Variants in SMYD3 observed in about 807,000 individuals in gnomAD.
SMYD3 encodes the protein histone-lysine N-methyltransferase SMYD3.
A neutral mutation model predicts 57.7 loss-of-function variants in SMYD3; 36 were observed. The ratio of observed to expected loss-of-function variants is 0.62; its 90% confidence interval spans 0.48 to 0.82. The LOEUF (loss-of-function observed/expected upper bound fraction) is 0.82. Among genes scored for constraint, SMYD3 ranks in the 40% least tolerant of loss-of-function variants. SMYD3 has a pLI of 0.00. For missense variants in SMYD3, 515 were observed against 538.8 expected, an observed-to-expected ratio of 0.96 and a Z score of 0.44; for synonymous variants, 211 against 195.0, an observed-to-expected ratio of 1.08 and a Z score of -0.68.
intron 10 of SMYD3, among the ~76,000 whole-genome samples, chr1:245,765,048 A>ACG: frequency 9.9e-6 from 1 of 101,280 alleles, no homozygotes; most frequent in East Asian, 2.0e-4. Context: ...AAATGCCTAC[A>ACG]CACACACACA....
intron 10 of SMYD3, among the ~76,000 whole-genome samples, chr1:245,793,312 C>A (rs1225682789): frequency 6.6e-6 from 1 of 150,594 alleles, no homozygotes; most frequent in Non-Finnish European, 1.5e-5. Context: ...AAAAAAAAAA[C>A]AACAAAAAAA....
chr1:245,862,210 C>T (rs1403283008), intron 9 of SMYD3, among the ~76,000 whole-genome samples: 5 of 152,284 alleles, frequency 3.3e-5, no homozygotes, highest in Admixed American at 6.5e-5. Context: ...TAATACTTCC[C>T]ACCTCAAACT....
intron 5 of SMYD3, among the ~76,000 whole-genome samples, chr1:246,015,023 G>A (rs1421941125): frequency 2.6e-5 from 4 of 152,028 alleles, no homozygotes; most frequent in South Asian, 2.1e-4. Context: ...TCTGCTTTGC[G>A]GGCCCAACAG....
intron 5 of SMYD3, among the ~76,000 whole-genome samples, chr1:246,162,051 T>A (rs909941002): frequency 5.9e-5 from 9 of 152,180 alleles, no homozygotes; most frequent in African/African-American, 1.9e-4. Flanking sequence ...TCAAAGCGTG[T>A]GGACGTGTAC....
chr1:245,999,174 AC>A (rs1193944869), intron 5 of SMYD3, among the ~76,000 whole-genome samples: 1 of 152,150 alleles, frequency 6.6e-6, no homozygotes, highest in Non-Finnish European at 1.5e-5. Flanking sequence ...AAAAAAACCC[AC>A]AAAAACAACC....
chr1:246,199,076 G>T (rs535306296), intron 5 of SMYD3, among the ~76,000 whole-genome samples: 1 of 152,096 alleles, frequency 6.6e-6, no homozygotes, highest in Non-Finnish European at 1.5e-5. Context: ...CACCCAGGGG[G>T]TGAGCCTAGT....
intron 1 of SMYD3, among the ~76,000 whole-genome samples, chr1:246,443,031 A>G (rs1219664829): frequency 1.3e-5 from 2 of 152,178 alleles, no homozygotes; most frequent in Non-Finnish European, 2.9e-5. Context: ...TTTAAATTTA[A>G]AAATGTATGG....
chr1:245,955,317 G>C (rs141543534), intron 5 of SMYD3, among the ~76,000 whole-genome samples: 3 of 152,018 alleles, frequency 2.0e-5, no homozygotes, highest in Non-Finnish European at 4.4e-5. Flanking sequence ...GGATGGTCTC[G>C]ATCTCCTGCC....
At chr1:246,317,281 G>C (rs1354500620) in intron 5 of SMYD3, among the ~76,000 whole-genome samples, 1 of 152,178 alleles carries the variant, frequency 6.6e-6, no homozygotes, top group East Asian at 1.9e-4. Context: ...CAGAACCAAT[G>C]GCTTTTTAGA....
At chr1:246,227,428 A>C (rs1156824340) in intron 5 of SMYD3, among the ~76,000 whole-genome samples, 2 of 152,204 alleles carry the variant, frequency 1.3e-5, no homozygotes, top group Non-Finnish European at 2.9e-5. Flanking sequence ...ATCCTGGCTA[A>C]CATGGTGAAA....
intron 10 of SMYD3, among the ~76,000 whole-genome samples, chr1:245,799,784 A>C (rs534392062): frequency 9.2e-5 from 14 of 151,752 alleles, no homozygotes; most frequent in African/African-American, 1.5e-4. Flanking sequence ...ACCTCGGCAC[A>C]CCTGTCCACC....
chr1:246,177,746 T>C (rs1320107311), intron 5 of SMYD3, among the ~76,000 whole-genome samples: 1 of 152,110 alleles, frequency 6.6e-6, no homozygotes, highest in Non-Finnish European at 1.5e-5. Context: ...GCAAAACACA[T>C]AGAGCTATGA....
chr1:246,346,843 C>T (rs1005800541), intron 2 of SMYD3, among the ~76,000 whole-genome samples: 1 of 152,044 alleles, frequency 6.6e-6, no homozygotes, highest in African/African-American at 2.4e-5. Context: ...AGCATTAGTA[C>T]CAGACTCAGA....
intron 5 of SMYD3, among the ~76,000 whole-genome samples, chr1:246,014,179 C>A (rs111795916): frequency 4.6e-5 from 7 of 152,018 alleles, no homozygotes; most frequent in African/African-American, 1.7e-4. Context: ...AAAAGTTAGC[C>A]GGGCATGGTG....
intron 11 of SMYD3, among the ~76,000 whole-genome samples, chr1:245,750,694 CAAT>C (rs1349764333): frequency 9.4e-6 from 1 of 106,542 alleles, no homozygotes; most frequent in East Asian, 3.2e-4. Context: ...AAGAGATAAG[CAAT>C]ATTATCCTGC....
In SMYD3 at chr1:246,287,598, G is replaced by C. The variant is rs114179572; in HGVS notation, c.531+39603C>G. ...TTACCACATCTCTAAGATGGACATA[G>C]AAATACCAAGTTTTGGGAATACTAT... On this transcript the variant is annotated intron_variant, in intron 5 of 11. Transcript: ENST00000490107. Among the ~76,000 whole-genome samples, 1,059 of 152,250 alleles carry C rather than the reference G, an allele frequency of 7.0e-3. 15 individuals carry two copies. Among genetic ancestry groups the C allele is most frequent in the African/African-American group, 0.024 (1,009 of 41,542 alleles).
chr1:246,174,473 G>A (rs1029986906), intron 5 of SMYD3, among the ~76,000 whole-genome samples: 86 of 152,126 alleles, frequency 5.7e-4, no homozygotes, highest in Admixed American at 1.7e-3. Flanking sequence ...TTAAGACCAG[G>A]TCTGGCCCTG....
chr1:245,837,385 G>A (rs1419716908), intron 10 of SMYD3, among the ~76,000 whole-genome samples: 1 of 152,168 alleles, frequency 6.6e-6, no homozygotes, highest in Non-Finnish European at 1.5e-5. Context: ...AGTCCTCGGT[G>A]GCAAGCCTGA....
At chr1:246,241,086 T>C (rs893574588) in intron 5 of SMYD3, among the ~76,000 whole-genome samples, 2 of 151,952 alleles carry the variant, frequency 1.3e-5, no homozygotes, top group Admixed American at 1.3e-4. Flanking sequence ...CCTTTCTTTC[T>C]TTCTCCTGCC....
Sources: gnomAD v4.1 joint callset for allele counts (sites outside exome capture counted in the v4.1 genomes callset) on GRCh38, gnomAD v4.1.1 for gene constraint, MANE v1.5 for transcripts, NCBI Gene and HGNC (gene_info 2026-07-23, HGNC 2026-07-21) for gene names.